The following MIA2 variants were observed in gnomAD, a reference collection of about 807,000 sequenced individuals.
MIA2 encodes MIA SH3 domain ER export factor 2.
MIA2 carries 127 observed loss-of-function variants against 167.8 expected under a neutral mutation model. That is an observed-to-expected ratio of 0.76 (90% CI 0.66 to 0.88). The LOEUF (loss-of-function observed/expected upper bound fraction) is 0.88, where lower values mean the gene tolerates loss of function less well. Ranked by LOEUF, MIA2 falls within the 40% of genes least tolerant of loss-of-function variation. The pLI is 0.00. For synonymous variants in MIA2, 552 were observed against 541.9 expected, an observed-to-expected ratio of 1.02 and a Z score of -0.26; for missense variants, 1,690 against 1,624.7, an observed-to-expected ratio of 1.04 and a Z score of -0.69.
chr14:39,308,072 T>A (rs949107849), intron 17 of MIA2, among the ~76,000 whole-genome samples: 6 of 152,284 alleles, frequency 3.9e-5, no homozygotes, highest in Admixed American at 2.0e-4. Context: ...TATATTTCTT[T>A]TTCTTAGATC....
At chr14:39,288,268 C>T (rs560869281) in intron 9 of MIA2, among the ~76,000 whole-genome samples, 1 of 151,090 alleles carries the variant, frequency 6.6e-6, no homozygotes, top group Non-Finnish European at 1.5e-5. Flanking sequence ...TCAAGTCCAA[C>T]CTGGGCAACA....
chr14:39,295,031 T>A lies in MIA2; in HGVS notation c.2496+2T>A. The A allele has an allele frequency of 6.3e-7, 1 of 1,593,690 alleles. No homozygotes were observed. The highest frequency in any genetic ancestry group is 8.6e-7 in the Non-Finnish European group (1 of 1,161,636). ...CAACTTCAGGAAAGCCAGAAACAGG[T>A]TTGTGCTCCGTAGGGACTCTTCAAC... On this transcript the variant is annotated splice_donor_variant, in intron 13 of 28. Transcript: ENST00000640607. LOFTEE classifies it high-confidence loss of function.
Position 39,350,200 on chromosome 14 carries a change from C to A in MIA2, c.4175C>A (p.Ser1392Ter). ...TCTGAAGGTAGAAGTGAGTTCCCCT[C>A]AGGTTTGATTCCACCTTCAAATGAG... ...PHSEGRSEFP[S>*]GLIPPSNEPA... Residue 1392 changes from serine (S) to a stop codon, truncating the protein, a stop_gained, in exon 29 of 29, where the codon TCA becomes TAA. Transcript: ENST00000640607. LOFTEE classifies it high-confidence loss of function. 1.3e-6 allele frequency: 2 copies of A among 1,512,290 alleles called. No homozygotes were observed. Among genetic ancestry groups the A allele is most frequent in the Non-Finnish European group, 1.8e-6 (2 of 1,119,654 alleles). 93.7% of individuals were successfully genotyped at this position (1,512,290 alleles called of 1,614,324 possible).
intron 23 of MIA2, among the ~76,000 whole-genome samples, chr14:39,363,363 C>T (rs1450996219): frequency 6.6e-6 from 1 of 152,120 alleles, no homozygotes; most frequent in East Asian, 1.9e-4. Flanking sequence ...AATCCTGTCT[C>T]TACAAAAAAT....
At chr14:39,366,737 G>C (rs891381370) in intron 23 of MIA2, among the ~76,000 whole-genome samples, 2 of 152,186 alleles carry the variant, frequency 1.3e-5, no homozygotes, top group African/African-American at 4.8e-5. Context: ...AGAGCACTTG[G>C]ATGGTGGCAG....
At chr14:39,246,852 G>A (rs1299818287) in intron 3 of MIA2, 59 bp from the exon 4 acceptor site, 33 of 955,434 alleles carry the variant, frequency 3.5e-5, no homozygotes, top group Non-Finnish European at 4.4e-5. Context: ...AATGACTCAG[G>A]GAGAAACAAG....
intron 3 of MIA2, among the ~76,000 whole-genome samples, chr14:39,245,318 G>A (rs8017896): frequency 0.65 from 98,443 of 151,958 alleles, 33,194 homozygotes; most frequent in African/African-American, 0.84. Context: ...GGGCCACCCT[G>A]GAAGAAGAAG....
chr14:39,355,149 G>T (rs1477121349), downstream of MIA2, among the ~76,000 whole-genome samples: 2 of 150,714 alleles, frequency 1.3e-5, no homozygotes, highest in African/African-American at 4.9e-5. Flanking sequence ...ACCTTGGGCA[G>T]TATGGCCATT....
intron 23 of MIA2, among the ~76,000 whole-genome samples, chr14:39,380,919 A>G (rs10149635): frequency 0.073 from 11,113 of 151,826 alleles, 1,391 homozygotes; most frequent in African/African-American, 0.25. Flanking sequence ...GTGCTTTTAC[A>G]GTGCATTTTG....
intron 24 of MIA2, among the ~76,000 whole-genome samples, chr14:39,321,632 T>C (rs958844642): frequency 2.0e-5 from 3 of 151,996 alleles, no homozygotes; most frequent in Non-Finnish European, 2.9e-5. Context: ...CGTATCTTTT[T>C]AAACCATATT....
chr14:39,364,447 T>G (rs1270513850), intron 23 of MIA2, among the ~76,000 whole-genome samples: 4 of 151,370 alleles, frequency 2.6e-5, no homozygotes, highest in African/African-American at 9.7e-5. Flanking sequence ...TTTTTTTTTG[T>G]TTTGTTTTTT....
At chr14:39,359,206 C>T (rs62000715) in intron 23 of MIA2, among the ~76,000 whole-genome samples, 10,861 of 152,198 alleles carry the variant, frequency 0.071, 488 homozygotes, top group South Asian at 0.18. Context: ...CCACCCAATT[C>T]GAGCTTCCAA....
rs1205881416 is a variant in MIA2 at position 39,234,161 on chromosome 14, T to C, written c.47T>C (p.Leu16Pro). 2 of 1,610,400 alleles carry C rather than the reference T, an allele frequency of 1.2e-6. No individual in the cohort carries two copies. The highest frequency in any genetic ancestry group is 1.7e-6 in the Non-Finnish European group (2 of 1,178,664). The change falls in exon 1 of 29, where the codon CTG becomes CCG. Residue 16 changes from leucine (L) to proline (P), a missense_variant. Transcript: ENST00000640607. The part of the protein sequence containing the change: ...VHRILLLAIS[L>P]TKCLESTKLL... ...AGAATCCTTCTTCTGGCTATTTCTC[T>C]GACAAAGTGTCTGGAGAGTACAAAA...
chr14:39,245,413 T>A (rs1594649503), intron 3 of MIA2, among the ~76,000 whole-genome samples: 1 of 152,112 alleles, frequency 6.6e-6, no homozygotes, highest in South Asian at 2.1e-4. Context: ...AATCCCATAG[T>A]ATTTTTTAAA....
At chr14:39,288,432 CATATATATATATATATATAT>C (rs759995143) in intron 9 of MIA2, among the ~76,000 whole-genome samples, 4 of 52,880 alleles carry the variant, frequency 7.6e-5, no homozygotes, top group African/African-American at 2.4e-4. Flanking sequence ...ATATATTATA[CATATATATATATATATATAT>C]ATATATATAT....
chr14:39,308,886 C>T (rs1371287947), intron 18 of MIA2, among the ~76,000 whole-genome samples: 4 of 152,148 alleles, frequency 2.6e-5, no homozygotes, highest in Non-Finnish European at 5.9e-5. Context: ...AATGGACACT[C>T]TTGATTAAAC....
intron 6 of MIA2, among the ~76,000 whole-genome samples, chr14:39,269,523 CTTT>C (rs34205921): frequency 2.8e-5 from 4 of 144,664 alleles, no homozygotes; most frequent in African/African-American, 2.5e-5. Context: ...TTTTTTCTTT[CTTT>C]TTTTTTTTTT....
chr14:39,382,013 T>C lies in MIA2; in HGVS notation c.2249-4872T>C, dbSNP rs78233538. ...CTAGTTCAGCTAACTAGGAATGGGG[T>C]CCAGGCTAAAGACTGTTCTCTAGTG... On this transcript the variant is annotated intron_variant, in intron 23 of 23. Coordinates refer to the MIA2 transcript ENST00000341502. Among the ~76,000 whole-genome samples, 1,004 of 152,222 alleles carry C rather than the reference T, an allele frequency of 6.6e-3. 3 individuals carry two copies. The highest frequency in any genetic ancestry group is 8.0e-3 in the Non-Finnish European group (543 of 68,000).
At chr14:39,311,040 A>G (rs1019961143) in intron 18 of MIA2, among the ~76,000 whole-genome samples, 6 of 152,200 alleles carry the variant, frequency 3.9e-5, no homozygotes, top group Admixed American at 6.5e-5. Flanking sequence ...AAAAAAGTAT[A>G]TGGTTGATTA....
Sources: allele counts gnomAD v4.1 joint callset (sites outside exome capture counted in the v4.1 genomes callset), GRCh38; gene constraint gnomAD v4.1.1; transcripts MANE v1.5; gene names NCBI Gene and HGNC (gene_info 2026-07-23, HGNC 2026-07-21).